IL1RAPL1: variants seen among roughly 807,000 people sequenced by gnomAD.
IL1RAPL1 encodes the protein interleukin-1 receptor accessory protein-like 1.
A neutral mutation model predicts 48.4 loss-of-function variants in IL1RAPL1; 3 were observed. That is an observed-to-expected ratio of 0.06 (90% confidence interval 0.03 to 0.16). The LOEUF is 0.16. Among genes scored for constraint, IL1RAPL1 ranks in the 10% least tolerant of loss-of-function variants. The probability of loss-of-function intolerance (pLI) is 1.00; values close to 1 mark genes in which losing one functional copy is unlikely to be tolerated. For missense variants in IL1RAPL1, 349 were observed against 530.6 expected (o/e 0.66, Z 3.36); for synonymous variants, 185 against 187.7 (o/e 0.99, Z 0.12).
At chrX:29,948,375 C>T (rs1385534773) in intron 9 of IL1RAPL1, among the ~76,000 whole-genome samples, 1 of 111,478 alleles carries the variant, frequency 9.0e-6, no homozygotes, top group East Asian at 2.8e-4. Flanking sequence ...ATTTATTTTA[C>T]AACAATTGCC....
chrX:29,182,843 C>T (rs753669714), intron 2 of IL1RAPL1, among the ~76,000 whole-genome samples: 1 of 111,187 alleles, frequency 9.0e-6, no homozygotes, highest in Non-Finnish European at 1.9e-5. Context: ...CCTAGATTAT[C>T]CAGGTGGACT....
chrX:28,846,009 C>T lies in IL1RAPL1; in HGVS notation c.82+56584C>T, dbSNP rs1223827227. On this transcript the variant is annotated intron_variant, in intron 2 of 10. Coordinates refer to ENST00000378993, the MANE Select transcript of IL1RAPL1 (RefSeq NM_014271.4). ...GTGTTATACATTCTATGCTTTGGGACAAATGCATCCACCATTATAGTATCA... is the reference window on the plus strand; with the variant it reads ...GTGTTATACATTCTATGCTTTGGGATAAATGCATCCACCATTATAGTATCA... Among the ~76,000 whole-genome samples the T allele has an allele frequency of 5.4e-5, 6 of 111,856 alleles. No homozygotes were observed. The Admixed American group carries it at 5.7e-4, about 11-fold the overall frequency.
chrX:29,588,440 C>G (rs1923257106), intron 5 of IL1RAPL1, among the ~76,000 whole-genome samples: 1 of 112,275 alleles, frequency 8.9e-6, no homozygotes, highest in African/African-American at 3.2e-5. Context: ...GCAACTTAAA[C>G]TTGAAGTATT....
chrX:29,892,312 T>C (rs747862315), intron 6 of IL1RAPL1, among the ~76,000 whole-genome samples: 73 of 112,209 alleles, frequency 6.5e-4, no homozygotes, highest in Non-Finnish European at 1.1e-3. Context: ...AAGTGAACCC[T>C]CAGAGGACAA....
intron 2 of IL1RAPL1, among the ~76,000 whole-genome samples, chrX:28,803,398 A>G (rs1030152962): frequency 1.9e-4 from 21 of 111,774 alleles, no homozygotes; most frequent in African/African-American, 6.8e-4. Flanking sequence ...GGGCCTAGGT[A>G]GAATCAAGCT....
At chrX:28,756,596 G>A (rs1936107779) in intron 1 of IL1RAPL1, among the ~76,000 whole-genome samples, 1 of 111,954 alleles carries the variant, frequency 8.9e-6, no homozygotes, top group Non-Finnish European at 1.9e-5. Flanking sequence ...TACTGGACTG[G>A]CTCATACTTA....
At chrX:28,958,099 C>T (rs937814077) in intron 2 of IL1RAPL1, among the ~76,000 whole-genome samples, 2 of 111,422 alleles carry the variant, frequency 1.8e-5, no homozygotes, top group Non-Finnish European at 3.8e-5. Context: ...TATGCGTCAC[C>T]TCACATACAT....
chrX:29,552,896 T>A (rs1012856029), intron 5 of IL1RAPL1, among the ~76,000 whole-genome samples: 3 of 99,351 alleles, frequency 3.0e-5, no homozygotes, highest in African/African-American at 7.3e-5. Flanking sequence ...TCAAGCCTAC[T>A]GATGAGCTCA....
intron 6 of IL1RAPL1, among the ~76,000 whole-genome samples, chrX:29,728,013 C>G (rs1022959058): frequency 9.0e-6 from 1 of 111,101 alleles, no homozygotes; most frequent in Non-Finnish European, 1.9e-5. Context: ...TCTCGGCTCA[C>G]TGCAAGCTCC....
intron 3 of IL1RAPL1, among the ~76,000 whole-genome samples, chrX:29,317,812 A>G (rs1932775465): frequency 8.9e-6 from 1 of 111,995 alleles, no homozygotes; most frequent in South Asian, 3.7e-4. Flanking sequence ...CATTTGCATG[A>G]TATTGTAAAG....
intron 2 of IL1RAPL1, among the ~76,000 whole-genome samples, chrX:29,110,949 C>T (rs1339771172): frequency 1.8e-5 from 2 of 110,487 alleles, no homozygotes; most frequent in Non-Finnish European, 3.8e-5. Flanking sequence ...CCACTATTAG[C>T]ATTTGGGATT....
intron 2 of IL1RAPL1, among the ~76,000 whole-genome samples, chrX:28,958,688 A>G (rs982290468): frequency 9.0e-6 from 1 of 111,579 alleles, no homozygotes; most frequent in African/African-American, 3.3e-5. Flanking sequence ...TCTAACTTCA[A>G]ACCTTCTAGA....
At chrX:28,829,934 G>T (rs1389069306) in intron 2 of IL1RAPL1, among the ~76,000 whole-genome samples, 1 of 110,912 alleles carries the variant, frequency 9.0e-6, no homozygotes, top group African/African-American at 3.3e-5. Flanking sequence ...TTAATATGGT[G>T]TATGACATTG....
At chrX:29,465,723 G>A (rs771183771) in intron 5 of IL1RAPL1, among the ~76,000 whole-genome samples, 1 of 110,855 alleles carries the variant, frequency 9.0e-6, no homozygotes, top group Non-Finnish European at 1.9e-5. Flanking sequence ...CTTTTAATTA[G>A]GTAGTTCTCA....
At chrX:29,737,633 T>C (rs1377838933) in intron 6 of IL1RAPL1, among the ~76,000 whole-genome samples, 1 of 112,461 alleles carries the variant, frequency 8.9e-6, no homozygotes, top group Non-Finnish European at 1.9e-5. Flanking sequence ...AAAGAACTGC[T>C]GAAAAAGTCA....
intron 1 of IL1RAPL1, among the ~76,000 whole-genome samples, chrX:28,769,039 G>A (rs1172174166): frequency 9.3e-6 from 1 of 107,321 alleles, no homozygotes; most frequent in East Asian, 2.9e-4. Flanking sequence ...AAATGAGTTC[G>A]AGTGTGAAGT....
chrX:29,154,422 C>A (rs1379334591), intron 2 of IL1RAPL1, among the ~76,000 whole-genome samples: 2 of 109,997 alleles, frequency 1.8e-5, no homozygotes, highest in African/African-American at 6.6e-5. Flanking sequence ...TGCCTGTAAT[C>A]CCAGTTACTC....
intron 2 of IL1RAPL1, among the ~76,000 whole-genome samples, chrX:29,052,031 T>C (rs977933964): frequency 2.7e-5 from 3 of 112,326 alleles, no homozygotes; most frequent in Non-Finnish European, 1.9e-5. Flanking sequence ...ACCTTCCATA[T>C]ATTCCCTCCA....
At chrX:28,641,145 G>A (rs750033192) in intron 1 of IL1RAPL1, among the ~76,000 whole-genome samples, 26 of 108,848 alleles carry the variant, frequency 2.4e-4, no homozygotes, top group African/African-American at 5.7e-4. Context: ...TACACATGCC[G>A]TGGTGGTTTG....
Sources: gnomAD v4.1 joint callset for allele counts (sites outside exome capture counted in the v4.1 genomes callset) on GRCh38, gnomAD v4.1.1 for gene constraint, MANE v1.5 for transcripts, NCBI Gene and HGNC (gene_info 2026-07-23, HGNC 2026-07-21) for gene names.